Variants in DAB1 observed in about 807,000 individuals in gnomAD.
DAB1 encodes DAB adaptor protein 1.
A neutral mutation model predicts 64.6 loss-of-function variants in DAB1; 15 were observed. The ratio of observed to expected loss-of-function variants is 0.23; its 90% CI spans 0.16 to 0.36. DAB1 has a LOEUF of 0.36. DAB1 is among the 10% of genes least tolerant of loss of function. DAB1 has a pLI of 1.00. For synonymous variants in DAB1, 235 were observed against 251.9 expected, an observed-to-expected ratio of 0.93 and a Z score of 0.64; for missense variants, 596 against 706.7, an observed-to-expected ratio of 0.84 and a Z score of 1.78.
At chr1:57,458,379 T>C (rs1156675176) in intron 7 of DAB1, among the ~76,000 whole-genome samples, 2 of 151,986 alleles carry the variant, frequency 1.3e-5, no homozygotes, top group African/African-American at 2.4e-5. Context: ...TGTTTACTCC[T>C]GTAAGGCAAA....
intron 5 of DAB1, among the ~76,000 whole-genome samples, chr1:57,953,225 T>A (rs181584844): frequency 4.2e-4 from 64 of 152,340 alleles, no homozygotes; most frequent in African/African-American, 1.5e-3. Flanking sequence ...GACTTTTCTA[T>A]TTACAAGTCC....
intron 5 of DAB1, among the ~76,000 whole-genome samples, chr1:57,922,657 G>A (rs938896811): frequency 6.6e-6 from 1 of 151,456 alleles, no homozygotes; most frequent in African/African-American, 2.4e-5. Flanking sequence ...GATTAGAAAA[G>A]TTTTAGTGAA....
At chr1:57,071,219 C>T (rs1651426004) in intron 6 of DAB1, 158 bp from the exon 7 acceptor site, 1 of 715,480 alleles carries the variant, frequency 1.4e-6, no homozygotes, top group Non-Finnish European at 2.3e-6. Context: ...AGTCAAAATC[C>T]TTAGAGCCAC....
chr1:57,000,117 C>T (rs1014030951), intron 14 of DAB1, among the ~76,000 whole-genome samples: 1 of 147,876 alleles, frequency 6.8e-6, no homozygotes, highest in African/African-American at 2.5e-5. Flanking sequence ...GATGTCGGCT[C>T]ACTGCAAGCT....
intron 1 of DAB1, among the ~76,000 whole-genome samples, chr1:57,421,590 T>C (rs1350072138): frequency 6.6e-6 from 1 of 152,106 alleles, no homozygotes; most frequent in Non-Finnish European, 1.5e-5. Flanking sequence ...CGTTGCCAAA[T>C]AGTTACAAAG....
chr1:57,437,770 T>G (rs1206217011), intron 7 of DAB1, among the ~76,000 whole-genome samples: 4 of 152,208 alleles, frequency 2.6e-5, no homozygotes, highest in African/African-American at 9.6e-5. Context: ...TAATATATTT[T>G]CATTTTGGAA....
At chr1:58,159,673 AC>A (rs1655417820) in intron 4 of DAB1, among the ~76,000 whole-genome samples, 1 of 152,230 alleles carries the variant, frequency 6.6e-6, no homozygotes, top group Admixed American at 6.5e-5. Context: ...ACTGGGTTGC[AC>A]CCAAGGTACG....
At chr1:57,442,136 T>A (rs1046076418) in intron 7 of DAB1, among the ~76,000 whole-genome samples, 3 of 152,236 alleles carry the variant, frequency 2.0e-5, no homozygotes, top group African/African-American at 7.2e-5. Flanking sequence ...AATTCTCAGC[T>A]GCACTTATCT....
At chr1:57,303,089 A>G (rs1673806128) in intron 1 of DAB1, among the ~76,000 whole-genome samples, 1 of 152,216 alleles carries the variant, frequency 6.6e-6, no homozygotes, top group Admixed American at 6.5e-5. Flanking sequence ...GATGTAGACG[A>G]CTGAGATAAT....
chr1:58,001,671 A>G (rs560858776), intron 5 of DAB1, among the ~76,000 whole-genome samples: 1 of 152,172 alleles, frequency 6.6e-6, no homozygotes. Flanking sequence ...GATTAAAAAG[A>G]CCACAGATTA....
chr1:57,427,974 C>T (rs559930170), upstream of DAB1, among the ~76,000 whole-genome samples: 8 of 149,776 alleles, frequency 5.3e-5, no homozygotes, highest in South Asian at 1.7e-3. Context: ...TTGAGACCAG[C>T]CTGACCAACA....
intron 7 of DAB1, among the ~76,000 whole-genome samples, chr1:57,429,491 T>C (rs910753267): frequency 6.6e-6 from 1 of 152,206 alleles, no homozygotes; most frequent in African/African-American, 2.4e-5. Flanking sequence ...GTTTTGAGTT[T>C]GATGTAGCCC....
intron 4 of DAB1, among the ~76,000 whole-genome samples, chr1:57,080,756 GCACACA>G (rs71801142): frequency 1.4e-5 from 2 of 143,300 alleles, no homozygotes; most frequent in Non-Finnish European, 3.0e-5. Flanking sequence ...ACACACACAC[GCACACA>G]CACACACACA....
At position 57,450,342 on chromosome 1, in the gene DAB1, C is replaced by T. The variant is rs576843801; in HGVS notation, n.626-159176G>A. On this transcript the variant is annotated intron_variant and non_coding_transcript_variant, in intron 7 of 20. Transcript: ENST00000485760. ...CATGGTGAAGAGAAACTTGGTGTTA[C>T]GAGAAGAGAAATAGCTTTCCAAATA... Among the ~76,000 whole-genome samples, 13 of 152,176 alleles carry T rather than the reference C, an allele frequency of 8.5e-5. No individual in the cohort carries two copies. The East Asian group carries it at 9.7e-4, about 11-fold the overall frequency.
At chr1:58,516,794 CAT>C (rs1253559445) in intron 2 of DAB1, among the ~76,000 whole-genome samples, 6 of 152,124 alleles carry the variant, frequency 3.9e-5, no homozygotes, top group Non-Finnish European at 8.8e-5. Context: ...ACAAGATTGA[CAT>C]AAAATCAGAA....
At chr1:57,444,584 T>C (rs1003038030) in intron 7 of DAB1, among the ~76,000 whole-genome samples, 1 of 152,188 alleles carries the variant, frequency 6.6e-6, no homozygotes, top group Non-Finnish European at 1.5e-5. Context: ...GATGAGGAGA[T>C]GATCCTGGAT....
At chr1:57,530,851 C>T (rs1292867367) in intron 7 of DAB1, among the ~76,000 whole-genome samples, 5 of 152,126 alleles carry the variant, frequency 3.3e-5, no homozygotes, top group East Asian at 1.9e-4. Context: ...AATAATACCA[C>T]GGAGAGTACC....
chr1:57,846,527 A>G (rs1015732896), intron 1 of DAB1, among the ~76,000 whole-genome samples: 4 of 150,474 alleles, frequency 2.7e-5, no homozygotes, highest in Admixed American at 2.0e-4. Context: ...TTGTTCACTT[A>G]TTAAAAATAC....
chr1:57,333,650 C>T (rs1007115320), intron 1 of DAB1, among the ~76,000 whole-genome samples: 1 of 152,220 alleles, frequency 6.6e-6, no homozygotes, highest in African/African-American at 2.4e-5. Flanking sequence ...GCCACTCCAG[C>T]TCCCTACAGA....
Sources: allele counts gnomAD v4.1 joint callset (sites outside exome capture counted in the v4.1 genomes callset), GRCh38; gene constraint gnomAD v4.1.1; transcripts MANE v1.5; gene names NCBI Gene and HGNC (gene_info 2026-07-23, HGNC 2026-07-21).